The following FRMD3 variants were observed in gnomAD, a reference collection of about 807,000 sequenced individuals.
FRMD3 encodes the protein FERM domain-containing protein 3.
FRMD3 carries 33 observed loss-of-function variants against 70.2 expected under a neutral mutation model. That is an observed-to-expected ratio of 0.47 (90% CI 0.36 to 0.63). The LOEUF (loss-of-function observed/expected upper bound fraction) is 0.63. Ranked by LOEUF, FRMD3 falls within the 20% of genes least tolerant of loss-of-function variation. FRMD3 has a pLI of 0.00. For synonymous variants in FRMD3, 279 were observed against 255.9 expected (o/e 1.09, Z -0.86); for missense variants, 632 against 711.4 (o/e 0.89, Z 1.27).
chr9:83,260,884 G>A (rs183054191), intron 13 of FRMD3, among the ~76,000 whole-genome samples: 5 of 151,988 alleles, frequency 3.3e-5, no homozygotes, highest in East Asian at 1.9e-4. Context: ...TACTTCAAGC[G>A]AAACTCCTGT....
intron 13 of FRMD3, chr9:83,266,906 C>A: frequency 8.2e-7 from 1 of 1,216,546 alleles, no homozygotes; most frequent in Non-Finnish European, 1.1e-6. Context: ...TATCAAAAAC[C>A]TCTGACACCA....
rs1257331660 is a variant in FRMD3 at position 83,416,743 on chromosome 9, CTG to C, written c.148-27037_148-27036del. On this transcript the variant is annotated intron_variant, in intron 1 of 13. Coordinates refer to ENST00000304195, the MANE Select transcript of FRMD3 (RefSeq NM_174938.6). The stretch of plus-strand genomic sequence containing the variant: ...CAGGATGTCCCTAAAACATTTCTCT[CTG>C]TCTCTCTCTCTCTCTCTCTCTCTCT... Among the ~76,000 whole-genome samples, 632 of 130,336 alleles carry C rather than the reference CTG, an allele frequency of 4.8e-3. 2 individuals are homozygous for C. The highest frequency in any genetic ancestry group is 0.017 in the African/African-American group (572 of 32,758). The allele number at this position is 130,336 out of a possible 152,430, so 85.5% of individuals were successfully genotyped here.
At chr9:83,561,589 G>A in the FRMD3 span, among the ~76,000 whole-genome samples, 6 of 152,182 alleles carry the variant, frequency 3.9e-5, no homozygotes, top group African/African-American at 1.4e-4. Flanking sequence ...ATGATCACAT[G>A]TCAGCTTCCA....
chr9:83,247,251 A>G lies in FRMD3; in HGVS notation c.*667T>C, dbSNP rs1832149544. 16 of 985,408 alleles carry G rather than the reference A, an allele frequency of 1.6e-5. No individual in the cohort carries two copies. Among genetic ancestry groups the G allele is most frequent in the Non-Finnish European group, 1.9e-5 (16 of 829,900 alleles). The allele number at this position is 985,408 out of a possible 1,614,324, so 61.0% of individuals were successfully genotyped here. ...CCATTTTCTATCTCCTATGCAGATCATAACAAATTATGGTATTGTTCAGCC... is the reference window on the plus strand; with the variant it reads ...CCATTTTCTATCTCCTATGCAGATCGTAACAAATTATGGTATTGTTCAGCC... On this transcript the variant is annotated 3_prime_UTR_variant, in exon 14 of 14. Transcript: ENST00000304195.
intron 13 of FRMD3, among the ~76,000 whole-genome samples, chr9:83,260,417 A>C (rs1419849117): frequency 6.6e-6 from 1 of 152,104 alleles, no homozygotes; most frequent in Non-Finnish European, 1.5e-5. Flanking sequence ...CTCACTTCTT[A>C]ACTAAGGGGG....
At chr9:83,409,357 TG>T (rs199900937) in intron 1 of FRMD3, among the ~76,000 whole-genome samples, 1,587 of 152,326 alleles carry the variant, frequency 0.01, 37 homozygotes, top group African/African-American at 0.037. Context: ...TTTATCAAAC[TG>T]GTCTTTTATT....
Position 83,538,323 on chromosome 9 carries a change from A to T in FRMD3, c.-92T>A, listed in dbSNP as rs1829948546. On this transcript the variant is annotated 5_prime_UTR_variant, in exon 1 of 14. Transcript: ENST00000304195. The surrounding 1 kb of genome is among the most constrained non-coding windows in gnomAD (Gnocchi z 4.7). ...CACGCTCGCACGCACTGTCCGGGAC[A>T]CCTGGGCGCGGCTCAGCCCCGGGAC... 2 of 1,242,314 alleles carry T rather than the reference A, an allele frequency of 1.6e-6. No homozygotes were observed. Among genetic ancestry groups the T allele is most frequent in the Non-Finnish European group, 2.1e-6 (2 of 952,100 alleles). The allele number at this position is 1,242,314 out of a possible 1,614,324, so 77.0% of individuals were successfully genotyped here. A position where few individuals can be genotyped will look rare whatever the true frequency, so the allele number is the denominator to read the frequency against.
intron 3 of FRMD3, among the ~76,000 whole-genome samples, chr9:83,356,733 C>T (rs1321784023): frequency 1.3e-5 from 2 of 150,558 alleles, no homozygotes; most frequent in African/African-American, 4.9e-5. Flanking sequence ...CCCCAATTTC[C>T]TTTTTAACAA....
chr9:83,509,072 A>G (rs1829274248), intron 1 of FRMD3, among the ~76,000 whole-genome samples: 1 of 71,248 alleles, frequency 1.4e-5, no homozygotes, highest in Non-Finnish European at 2.7e-5. Context: ...GACATACTTA[A>G]TATTTTACTT....
chr9:83,354,836 C>T (rs1824283827), intron 3 of FRMD3, among the ~76,000 whole-genome samples: 1 of 152,040 alleles, frequency 6.6e-6, no homozygotes, highest in Non-Finnish European at 1.5e-5. Context: ...CTTTTCCCAT[C>T]CCCACTCCAA....
At chr9:83,362,360 C>T (rs1300239499) in intron 3 of FRMD3, among the ~76,000 whole-genome samples, 3 of 152,234 alleles carry the variant, frequency 2.0e-5, no homozygotes, top group South Asian at 4.1e-4. Flanking sequence ...AGGAATTCCA[C>T]ACCATCCCAG....
At chr9:83,390,221 G>C (rs1825629617) in intron 1 of FRMD3, among the ~76,000 whole-genome samples, 2 of 152,212 alleles carry the variant, frequency 1.3e-5, no homozygotes, top group African/African-American at 4.8e-5. Flanking sequence ...CACACAACTT[G>C]AATGGAGCAG....
the FRMD3 span, among the ~76,000 whole-genome samples, chr9:83,549,176 C>T: frequency 1.3e-5 from 2 of 152,112 alleles, no homozygotes; most frequent in Non-Finnish European, 2.9e-5. Context: ...TATCATTTAG[C>T]TCCCACTTGT....
At chr9:83,550,886 T>C in the FRMD3 span, among the ~76,000 whole-genome samples, 2 of 152,164 alleles carry the variant, frequency 1.3e-5, no homozygotes, top group Non-Finnish European at 2.9e-5. Flanking sequence ...GACAAGACTA[T>C]GGGGTTTTCT....
At chr9:83,543,700 A>G in the FRMD3 span, among the ~76,000 whole-genome samples, 1 of 152,210 alleles carries the variant, frequency 6.6e-6, no homozygotes, top group African/African-American at 2.4e-5. Flanking sequence ...GGCAGAGTGC[A>G]GCATGCCAAG....
At chr9:83,346,117 G>T (rs189282006) in intron 4 of FRMD3, among the ~76,000 whole-genome samples, 1 of 151,894 alleles carries the variant, frequency 6.6e-6, no homozygotes, top group Admixed American at 6.6e-5. Flanking sequence ...TTAGCTAGGC[G>T]TGCTGGCTTG....
upstream of FRMD3, among the ~76,000 whole-genome samples, chr9:83,541,105 C>A (rs948757991): frequency 1.3e-5 from 2 of 152,196 alleles, no homozygotes; most frequent in Non-Finnish European, 2.9e-5. Context: ...TCACTTAAGG[C>A]AGTTACCTTG....
At chr9:83,298,837 T>C in intron 11 of FRMD3, 21 bp from the exon 12 acceptor site, 1 of 1,609,772 alleles carries the variant, frequency 6.2e-7, no homozygotes, top group Non-Finnish European at 8.5e-7. Context: ...CAGAAACACA[T>C]GTGTATGCAC....
chr9:83,478,606 T>G (rs188216216), intron 1 of FRMD3, among the ~76,000 whole-genome samples: 1,733 of 152,158 alleles, frequency 0.011, 17 homozygotes, highest in Non-Finnish European at 0.019. Flanking sequence ...CTCAAAAAAT[T>G]AAACACAGAA....
Sources: allele counts gnomAD v4.1 joint callset (sites outside exome capture counted in the v4.1 genomes callset), GRCh38; gene constraint gnomAD v4.1.1; non-coding constraint Gnocchi (gnomAD v3.1); transcripts MANE v1.5; gene names NCBI Gene and HGNC (gene_info 2026-07-23, HGNC 2026-07-21).